The following DYNC2LI1 variants were observed in gnomAD, a reference collection of about 807,000 sequenced individuals.
The protein encoded by DYNC2LI1 is cytoplasmic dynein 2 light intermediate chain 1.
In DYNC2LI1, 45 loss-of-function variants were observed where a neutral mutation model predicts 51.9. That is an observed-to-expected ratio of 0.87 (90% CI 0.68 to 1.11). The LOEUF (loss-of-function observed/expected upper bound fraction) is 1.11, where lower values mean the gene tolerates loss of function less well. DYNC2LI1 is among the 50% of genes most tolerant of loss of function. DYNC2LI1 has a pLI of 0.00. For missense variants in DYNC2LI1, 490 were observed against 417.4 expected (o/e 1.17, Z -1.51); for synonymous variants, 130 against 137.8 (o/e 0.94, Z 0.40).
chr2:43,784,956 A>T (rs1673457215), intron 3 of DYNC2LI1, among the ~76,000 whole-genome samples: 1 of 152,170 alleles, frequency 6.6e-6, no homozygotes, highest in East Asian at 1.9e-4. Context: ...AAACATAATT[A>T]TGTAAGTCAC....
intron 3 of DYNC2LI1, among the ~76,000 whole-genome samples, chr2:43,784,900 A>G (rs926584454): frequency 1.3e-5 from 2 of 152,168 alleles, no homozygotes; most frequent in African/African-American, 4.8e-5. Context: ...TCTCTATATA[A>G]CGTATTCAAA....
chr2:43,782,437 G>C (rs1266229378), intron 2 of DYNC2LI1, among the ~76,000 whole-genome samples: 1 of 150,330 alleles, frequency 6.7e-6, no homozygotes, highest in Non-Finnish European at 1.5e-5. Context: ...CTGTGTTTTT[G>C]GCAATCCAGA....
At chr2:43,806,974 G>T (rs182860324) in intron 12 of DYNC2LI1, among the ~76,000 whole-genome samples, 2 of 151,946 alleles carry the variant, frequency 1.3e-5, no homozygotes, top group Admixed American at 1.3e-4. Flanking sequence ...GGTTTTAGAC[G>T]AATTGATTCC....
intron 12 of DYNC2LI1, among the ~76,000 whole-genome samples, chr2:43,807,598 C>G (rs983935847): frequency 2.0e-5 from 3 of 151,906 alleles, no homozygotes; most frequent in Admixed American, 6.6e-5. Context: ...CATCACCATG[C>G]CCGGGTAATT....
chr2:43,794,547 T>A lies in DYNC2LI1; in HGVS notation c.411T>A (p.His137Gln). 6 of 1,614,092 alleles carry A rather than the reference T, an allele frequency of 3.7e-6. No individual in the cohort carries two copies. Among genetic ancestry groups the A allele is most frequent in the Non-Finnish European group, 5.1e-6 (6 of 1,180,006 alleles). ...MENLLQATKS[H>Q]VDKVIMKLGK... Reference sequence around the variant, plus strand: ...ATCTCTTGCAAGCCACAAAAAGCCATGTAGACAAAGTGATAATGAAACTGG... The same window carrying A: ...ATCTCTTGCAAGCCACAAAAAGCCAAGTAGACAAAGTGATAATGAAACTGG... Residue 137 changes from histidine (H) to glutamine (Q), a missense_variant, in exon 6 of 13, where the codon CAT becomes CAA. Transcript: ENST00000260605.
At position 43,795,964 on chromosome 2, in the gene DYNC2LI1, C is replaced by T. The variant is rs1021953490; in HGVS notation, c.576+6C>T. 1.5e-5 allele frequency: 24 copies of T among 1,609,090 alleles called. No individual in the cohort carries two copies. Among genetic ancestry groups the T allele is most frequent in the Middle Eastern group, 1.7e-4 (1 of 6,056 alleles). On this transcript the variant is annotated splice_donor_region_variant and intron_variant, in intron 7 of 12. Coordinates refer to ENST00000260605, the MANE Select transcript of DYNC2LI1 (RefSeq NM_016008.4). ...GTAAATATGATGTTTTTCAGGTAAGCTCTTCCGCTTCTAGCTGAGTTTGTT... is the reference window on the plus strand; with the variant it reads ...GTAAATATGATGTTTTTCAGGTAAGTTCTTCCGCTTCTAGCTGAGTTTGTT...
chr2:43,813,571 A>G (rs1212337870), downstream of DYNC2LI1, among the ~76,000 whole-genome samples: 1 of 151,996 alleles, frequency 6.6e-6, no homozygotes, highest in African/African-American at 2.4e-5. Context: ...AGCACAGACT[A>G]TCCTAAAGTT....
At chr2:43,807,393 G>A (rs1376047400) in intron 12 of DYNC2LI1, among the ~76,000 whole-genome samples, 1 of 152,076 alleles carries the variant, frequency 6.6e-6, no homozygotes, top group Admixed American at 6.6e-5. Flanking sequence ...GATTTTAAGG[G>A]AATGCGAATG....
chr2:43,796,521 G>T (rs147719833), intron 7 of DYNC2LI1, among the ~76,000 whole-genome samples, 197 bp from the exon 8 acceptor site: 18 of 152,218 alleles, frequency 1.2e-4, no homozygotes, highest in African/African-American at 3.9e-4. Flanking sequence ...AACAAAGAAA[G>T]ATCTGTTAGC....
intron 3 of DYNC2LI1, 115 bp from the exon 4 acceptor site, chr2:43,787,066 G>T (rs1449372198): frequency 1.4e-6 from 1 of 722,132 alleles, no homozygotes; most frequent in East Asian, 2.7e-5. Flanking sequence ...ATTATACAAG[G>T]TAACTTCTCT....
At chr2:43,798,958 C>A (rs1665983634) in intron 8 of DYNC2LI1, among the ~76,000 whole-genome samples, 1 of 151,514 alleles carries the variant, frequency 6.6e-6, no homozygotes, top group South Asian at 2.1e-4. Context: ...CTATATAGTG[C>A]AGTTGAGAAT....
chr2:43,794,962 T>C (rs1673966022), intron 6 of DYNC2LI1: 2 of 1,254,964 alleles, frequency 1.6e-6, no homozygotes, highest in East Asian at 6.5e-5. Context: ...AAAGCCAGAT[T>C]GTACAAAAGT....
At chr2:43,824,504 T>C in the DYNC2LI1 span, 1 of 1,600,244 alleles carries the variant, frequency 6.2e-7, no homozygotes, top group South Asian at 1.1e-5. Context: ...ATACAATTGG[T>C]ACAGGAGTAC....
the DYNC2LI1 span, among the ~76,000 whole-genome samples, chr2:43,825,408 GCTC>G: frequency 1.3e-5 from 2 of 152,088 alleles, no homozygotes; most frequent in Non-Finnish European, 2.9e-5. Flanking sequence ...TTAAATCTCA[GCTC>G]CTCCTCTGTA....
the DYNC2LI1 span, among the ~76,000 whole-genome samples, chr2:43,818,190 A>C: frequency 1.3e-5 from 2 of 152,014 alleles, no homozygotes; most frequent in African/African-American, 4.8e-5. Context: ...GGTGGCTCAC[A>C]CCTGTAATCC....
the DYNC2LI1 span, chr2:43,824,249 C>G: frequency 6.2e-7 from 1 of 1,614,178 alleles, no homozygotes; most frequent in Non-Finnish European, 8.5e-7. Context: ...AGAGAAAACT[C>G]CAGGAGAATC....
downstream of DYNC2LI1, among the ~76,000 whole-genome samples, chr2:43,814,037 A>G (rs980772318): frequency 1.3e-5 from 2 of 152,112 alleles, no homozygotes; most frequent in Non-Finnish European, 2.9e-5. Flanking sequence ...TCTAATGGCC[A>G]TGAGGTCCTT....
intron 2 of DYNC2LI1, among the ~76,000 whole-genome samples, chr2:43,778,765 C>A (rs902087044): frequency 6.6e-6 from 1 of 152,132 alleles, no homozygotes; most frequent in African/African-American, 2.4e-5. Context: ...ATTCTTGACT[C>A]CCTTGTAGTC....
At chr2:43,810,569 T>C, downstream of DYNC2LI1, 1 of 955,250 alleles carries the variant, frequency 1.0e-6, no homozygotes, top group Non-Finnish European at 1.2e-6. Flanking sequence ...TCTATGTTCT[T>C]CCATGTCCAC....
Sources: allele counts gnomAD v4.1 joint callset (sites outside exome capture counted in the v4.1 genomes callset), GRCh38; gene constraint gnomAD v4.1.1; transcripts MANE v1.5; gene names NCBI Gene and HGNC (gene_info 2026-07-23, HGNC 2026-07-21).